Variants in RNF146 observed in about 807,000 individuals in gnomAD.
RNF146 encodes the protein E3 ubiquitin-protein ligase RNF146.
RNF146 carries 11 observed loss-of-function variants against 29.7 expected under a neutral mutation model. The observed-to-expected ratio is 0.37, with a 90% CI of 0.23 to 0.61. The LOEUF (loss-of-function observed/expected upper bound fraction) is 0.61. Ranked by LOEUF, RNF146 falls within the 20% of genes least tolerant of loss-of-function variation. The pLI, the probability that RNF146 is intolerant of heterozygous loss-of-function variation, is 0.66. For missense variants in RNF146, 342 were observed against 438.9 expected (o/e 0.78, Z 1.97); for synonymous variants, 150 against 159.7 (o/e 0.94, Z 0.46).
At chr6:127,272,065 C>T (rs1030351919) in intron 1 of RNF146, among the ~76,000 whole-genome samples, 2 of 152,178 alleles carry the variant, frequency 1.3e-5, no homozygotes, top group Non-Finnish European at 2.9e-5. Context: ...TGTAGAAAGA[C>T]ATTTTTAAAG....
intron 1 of RNF146, among the ~76,000 whole-genome samples, chr6:127,272,418 C>T (rs1226494963): frequency 2.6e-5 from 4 of 152,038 alleles, no homozygotes; most frequent in Non-Finnish European, 4.4e-5. Flanking sequence ...CCTTCCCCAG[C>T]ATTTATCCAG....
At chr6:127,266,827 G>A (rs1776662163), upstream of RNF146, 1 of 151,652 alleles carries the variant, frequency 6.6e-6, no homozygotes, top group Non-Finnish European at 1.5e-5. Context: ...TCCGCGACGC[G>A]CCGGGTGGTC....
intron 1 of RNF146, among the ~76,000 whole-genome samples, chr6:127,278,278 G>A (rs931683144): frequency 4.0e-5 from 6 of 151,764 alleles, no homozygotes; most frequent in Non-Finnish European, 1.5e-5. Flanking sequence ...CATTTACAAT[G>A]TTATGCAACT....
chr6:127,267,558 T>C (rs1326894128), intron 1 of RNF146, among the ~76,000 whole-genome samples: 1 of 152,000 alleles, frequency 6.6e-6, no homozygotes, highest in Admixed American at 6.6e-5. Flanking sequence ...TTTCCCGGAG[T>C]GTCTCTGGCT....
At chr6:127,281,887 A>G (rs1778955735) in intron 2 of RNF146, among the ~76,000 whole-genome samples, 1 of 151,640 alleles carries the variant, frequency 6.6e-6, no homozygotes, top group Non-Finnish European at 1.5e-5. Flanking sequence ...AGGAGGAATA[A>G]TGATAAGACA....
At chr6:127,266,719 T>C (rs1462056727), upstream of RNF146, 2 of 151,884 alleles carry the variant, frequency 1.3e-5, no homozygotes, top group African/African-American at 2.4e-5. Context: ...GGCAAGAGAG[T>C]ACCGGCAGAC....
intron 1 of RNF146, among the ~76,000 whole-genome samples, chr6:127,273,359 G>T (rs972370609): frequency 3.3e-5 from 5 of 152,004 alleles, no homozygotes; most frequent in Non-Finnish European, 2.9e-5. Context: ...CACCTCAAGT[G>T]GCACCATATG....
chr6:127,280,489 A>G, intron 2 of RNF146, 149 bp downstream of exon 2: 1 of 1,299,920 alleles, frequency 7.7e-7, no homozygotes, highest in Non-Finnish European at 9.9e-7. Flanking sequence ...TTAACAATTT[A>G]TTTACATTAA....
intron 1 of RNF146, among the ~76,000 whole-genome samples, chr6:127,271,041 C>T (rs886288162): frequency 3.3e-5 from 5 of 152,104 alleles, no homozygotes; most frequent in African/African-American, 9.7e-5. Flanking sequence ...GTATTGATCT[C>T]TTGACCTCAT....
Position 127,286,403 on chromosome 6 carries a change from T to G in RNF146, c.3-213T>G. The G allele has an allele frequency of 1.5e-6, 1 of 649,218 alleles. No individual in the cohort carries two copies. The allele number at this position is 649,218 out of a possible 1,614,324, so 40.2% of individuals were successfully genotyped here. On this transcript the variant is annotated intron_variant, in intron 2 of 2. Transcript: ENST00000368314. This position sits in a 1 kb window ranked among gnomAD's most constrained non-coding sequence, Gnocchi z 4.6. ...TCTGTTAAGTGCACTGATGGAATTT[T>G]TATACATTCCCAAGGTATGTACAAG...
At chr6:127,277,839 C>G (rs192768375) in intron 1 of RNF146, among the ~76,000 whole-genome samples, 138 of 152,198 alleles carry the variant, frequency 9.1e-4, no homozygotes, top group African/African-American at 3.2e-3. Flanking sequence ...ATCCTTCACT[C>G]CAATCAAGTT....
rs536075826 is a variant in RNF146, at chr6:127,286,256, T to C, written c.3-360T>C. 5.5e-6 allele frequency: 6 copies of C among 1,094,276 alleles called. No homozygotes were observed. The highest frequency in any genetic ancestry group is 4.0e-5 in the Admixed American group (1 of 24,712). The allele number at this position is 1,094,276 out of a possible 1,614,324, so 67.8% of individuals were successfully genotyped here. A position where few individuals can be genotyped will look rare whatever the true frequency, so the allele number is the denominator to read the frequency against. On this transcript the variant is annotated intron_variant, in intron 2 of 2. Transcript: ENST00000368314. This position sits in a 1 kb window ranked among gnomAD's most constrained non-coding sequence, Gnocchi z 4.6. ...TAAAGGACTCTAAAACTCAGATTTT[T>C]AGATTTCTTGTCTAGCATTCATTTC...
intron 1 of RNF146, among the ~76,000 whole-genome samples, chr6:127,267,326 C>G (rs1208303676): frequency 2.6e-5 from 4 of 152,184 alleles, no homozygotes; most frequent in Non-Finnish European, 5.9e-5. Flanking sequence ...TGCGCAGCCT[C>G]TTCCGCCTGA....
chr6:127,275,123 A>T (rs914268224), intron 1 of RNF146, among the ~76,000 whole-genome samples: 1 of 152,148 alleles, frequency 6.6e-6, no homozygotes, highest in Non-Finnish European at 1.5e-5. Context: ...CCTAGTGAAG[A>T]ATCATAAGCT....
Position 127,287,962 on chromosome 6 carries a change from T to C in RNF146, c.*269T>C, listed in dbSNP as rs1779749561. On this transcript the variant is annotated 3_prime_UTR_variant, in exon 3 of 3. Coordinates refer to ENST00000368314, the MANE Select transcript of RNF146 (RefSeq NM_001242850.2). ...TTACTTTATACTTTTTAAAAACTTC[T>C]GTAGTTCTTTTGGCCAGTGTGTTTG... 1 of 271,054 alleles carries C rather than the reference T, an allele frequency of 3.7e-6. No individual in the cohort carries two copies. The highest frequency in any genetic ancestry group is 7.5e-6 in the Non-Finnish European group (1 of 133,404). The allele number at this position is 271,054 out of a possible 1,614,324, so 16.8% of individuals were successfully genotyped here.
rs753169994 is a variant in RNF146 at position 127,287,092 on chromosome 6, A to C, written c.479A>C (p.His160Pro). 1 of 1,613,370 alleles carries C rather than the reference A, an allele frequency of 6.2e-7. No individual in the cohort carries two copies. The highest frequency in any genetic ancestry group is 8.5e-7 in the Non-Finnish European group (1 of 1,179,578). The stretch of plus-strand genomic sequence containing the variant: ...ATGGTTCAATATAGGAGAAATGAAC[A>C]TGGACGTCGCAGGAAGATTAAGCGA... ...ENMVQYRRNEHGRRRKIKRDI... is the reference protein window; with the variant it reads ...ENMVQYRRNEPGRRRKIKRDI... Residue 160 changes from histidine to proline, a missense_variant, in exon 3 of 3, where the codon CAT becomes CCT. Transcript: ENST00000368314.
In RNF146 at chr6:127,287,645, T is replaced by C; in HGVS notation, c.1032T>C (p.Ser344=). 2 of 1,609,152 alleles carry C rather than the reference T, an allele frequency of 1.2e-6. No homozygotes were observed. The highest frequency in any genetic ancestry group is 1.7e-6 in the Non-Finnish European group (2 of 1,176,882). Residue 344 remains serine (S), a synonymous_variant, in exon 3 of 3, where the codon AGT becomes AGC. Transcript: ENST00000368314. ...CAGGGGGTGGAACAGTGAGTGTCAG[T>C]GTCAGATCTAGAAGGCCTGATGGAC... The part of the protein sequence containing the change: ...SVAGGGTVSV[S]VRSRRPDGQC...
At chr6:127,278,011 A>G (rs1439971513) in intron 1 of RNF146, among the ~76,000 whole-genome samples, 1 of 152,118 alleles carries the variant, frequency 6.6e-6, no homozygotes, top group Non-Finnish European at 1.5e-5. Context: ...GAATCTTAAG[A>G]TACCGTAGGG....
At chr6:127,274,273 G>T (rs1281599367) in intron 1 of RNF146, among the ~76,000 whole-genome samples, 1 of 152,044 alleles carries the variant, frequency 6.6e-6, no homozygotes, top group Non-Finnish European at 1.5e-5. Context: ...AGTTTTATAG[G>T]AAAGATCACA....
Sources: allele counts gnomAD v4.1 joint callset (sites outside exome capture counted in the v4.1 genomes callset), GRCh38; gene constraint gnomAD v4.1.1; non-coding constraint Gnocchi (gnomAD v3.1); transcripts MANE v1.5; gene names NCBI Gene and HGNC (gene_info 2026-07-23, HGNC 2026-07-21).